STXBP5L: variants seen among roughly 807,000 people sequenced by gnomAD.
STXBP5L encodes the protein syntaxin binding protein 5L.
Under a neutral mutation model 144.5 loss-of-function variants are expected in STXBP5L, and 65 were observed. That is an observed-to-expected ratio of 0.45 (90% CI 0.37 to 0.55). STXBP5L has a LOEUF of 0.55. STXBP5L is among the 20% of genes least tolerant of loss of function. The pLI, the probability that STXBP5L is intolerant of heterozygous loss-of-function variation, is 0.00. For missense variants in STXBP5L, 1,298 were observed against 1,405.5 expected (o/e 0.92, Z 1.22); for synonymous variants, 505 against 469.6 (o/e 1.08, Z -0.97).
At chr3:121,346,104 C>T (rs1368238256) in intron 20 of STXBP5L, among the ~76,000 whole-genome samples, 4 of 143,152 alleles carry the variant, frequency 2.8e-5, no homozygotes, top group East Asian at 4.4e-4. Flanking sequence ...TCCCTCTCCC[C>T]TCCCCCGACC....
chr3:121,280,028 TTTC>T, intron 19 of STXBP5L, 72 bp downstream of exon 19: 1 of 1,524,816 alleles, frequency 6.6e-7, no homozygotes. Flanking sequence ...ATTTCTTGTC[TTTC>T]TTCTCTGATA....
chr3:121,415,717 C>T, intron 24 of STXBP5L, 140 bp from the exon 25 acceptor site: 1 of 495,278 alleles, frequency 2.0e-6, no homozygotes, highest in Non-Finnish European at 3.6e-6. Flanking sequence ...GAACTGTGAG[C>T]ACAGCAAAAA....
At chr3:121,355,509 T>A (rs1320653360) in intron 20 of STXBP5L, among the ~76,000 whole-genome samples, 2 of 152,212 alleles carry the variant, frequency 1.3e-5, no homozygotes, top group Non-Finnish European at 2.9e-5. Flanking sequence ...CATCACGAAT[T>A]TCTCGTGCCA....
At chr3:121,257,737 C>A (rs999250706) in intron 17 of STXBP5L, among the ~76,000 whole-genome samples, 1 of 152,106 alleles carries the variant, frequency 6.6e-6, no homozygotes, top group African/African-American at 2.4e-5. Flanking sequence ...GCAGCCTGGG[C>A]AACATAGCAA....
At chr3:120,950,531 GT>G (rs1380135715) in intron 2 of STXBP5L, among the ~76,000 whole-genome samples, 1 of 149,980 alleles carries the variant, frequency 6.7e-6, no homozygotes, top group African/African-American at 2.4e-5. Flanking sequence ...TTTAGGATTA[GT>G]TTGTCAATTT....
At chr3:121,041,252 C>T (rs1947132184) in intron 3 of STXBP5L, among the ~76,000 whole-genome samples, 1 of 151,812 alleles carries the variant, frequency 6.6e-6, no homozygotes, top group African/African-American at 2.4e-5. Context: ...TCTTTATGAT[C>T]TCTGAGTTTT....
intron 20 of STXBP5L, among the ~76,000 whole-genome samples, chr3:121,344,720 G>A (rs981688950): frequency 2.0e-5 from 3 of 151,936 alleles, no homozygotes; most frequent in African/African-American, 7.2e-5. Flanking sequence ...ACTATATTTG[G>A]TGGTTAATTG....
chr3:121,372,113 C>G (rs2046048891), intron 20 of STXBP5L, among the ~76,000 whole-genome samples: 2 of 152,124 alleles, frequency 1.3e-5, no homozygotes, highest in South Asian at 4.1e-4. Context: ...CAGGGGCACT[C>G]TGCTGGAGCA....
chr3:121,249,667 A>T (rs1159577532), intron 14 of STXBP5L, among the ~76,000 whole-genome samples: 1 of 152,094 alleles, frequency 6.6e-6, no homozygotes, highest in South Asian at 2.1e-4. Context: ...TTTAGTCTGT[A>T]TGCCTTTTAT....
At position 121,381,322 on chromosome 3, in the gene STXBP5L, A is replaced by G. The variant is rs773567828; in HGVS notation, c.2377A>G (p.Arg793Gly). 3 of 1,586,620 alleles carry G rather than the reference A, an allele frequency of 1.9e-6. No individual in the cohort carries two copies. The highest frequency in any genetic ancestry group is 2.6e-6 in the Non-Finnish European group (3 of 1,172,868). Residue 793 changes from arginine (R) to glycine (G), a missense_variant, in exon 22 of 27, where the codon AGA (arginine) becomes GGA (glycine). Arg to Gly is a moderately radical substitution (Grantham distance 125, BLOSUM62 -2). Coordinates refer to ENST00000471454, the MANE Select transcript of STXBP5L (RefSeq NM_001308330.2). ...ENRENSYNRSRSSSISSIDKD... is the reference protein window; with the variant it reads ...ENRENSYNRSGSSSISSIDKD... ...CCGAGAAAATTCCTATAATCGTTCT[A>G]GAAGCTCTAGTATCTCCAGTATTGA...
chr3:121,089,727 G>A (rs1414377724), intron 5 of STXBP5L, among the ~76,000 whole-genome samples: 1 of 151,238 alleles, frequency 6.6e-6, no homozygotes, highest in Non-Finnish European at 1.5e-5. Flanking sequence ...TAGATCTATT[G>A]GTTTTGTCCC....
intron 23 of STXBP5L, 175 bp downstream of exon 23, chr3:121,407,778 G>A: frequency 1.1e-6 from 1 of 937,496 alleles, no homozygotes; most frequent in Non-Finnish European, 1.5e-6. Flanking sequence ...GGGGTTTTGT[G>A]TTTTGTTTTG....
chr3:121,011,663 T>TA (rs761316065), intron 3 of STXBP5L, among the ~76,000 whole-genome samples: 20 of 147,898 alleles, frequency 1.4e-4, no homozygotes, highest in East Asian at 7.9e-4. Flanking sequence ...TATTCACTTT[T>TA]AAAAAAAAAA....
At chr3:121,315,988 G>T (rs2043773018) in intron 19 of STXBP5L, among the ~76,000 whole-genome samples, 1 of 110,840 alleles carries the variant, frequency 9.0e-6, no homozygotes, top group African/African-American at 3.1e-5. Context: ...GGGCGATAGT[G>T]AGACTCTGTC....
chr3:120,985,350 T>G (rs757257771), intron 3 of STXBP5L, among the ~76,000 whole-genome samples: 2 of 152,106 alleles, frequency 1.3e-5, no homozygotes, highest in Non-Finnish European at 2.9e-5. Context: ...TATTTTGATG[T>G]ATGTATACAT....
intron 5 of STXBP5L, among the ~76,000 whole-genome samples, chr3:121,076,761 T>A (rs1469885492): frequency 6.6e-6 from 1 of 152,294 alleles, no homozygotes; most frequent in African/African-American, 2.4e-5. Flanking sequence ...AAACCTTTTT[T>A]AAAGTTTTTC....
intron 9 of STXBP5L, among the ~76,000 whole-genome samples, chr3:121,195,060 C>A (rs1447850872): frequency 6.6e-6 from 1 of 151,608 alleles, no homozygotes; most frequent in African/African-American, 2.4e-5. Flanking sequence ...AGACTACAGG[C>A]ACACGCCACC....
rs535005451 is a variant in STXBP5L at position 120,962,469 on chromosome 3, A to G, written c.287+7432A>G. 2.2e-3 allele frequency among the ~76,000 whole-genome samples: 337 copies of G among 152,246 alleles called. 2 individuals carry two copies. The highest frequency in any genetic ancestry group is 6.9e-3 in the African/African-American group (285 of 41,550). On this transcript the variant is annotated intron_variant, in intron 3 of 26. Coordinates refer to ENST00000471454, the MANE Select transcript of STXBP5L (RefSeq NM_001308330.2). ...AATTTTTGTGTAAGGTGTAAGGAAG[A>G]GATCCAGTTTCAGCTTTCTACATAT...
intron 19 of STXBP5L, among the ~76,000 whole-genome samples, chr3:121,300,841 A>C (rs1185041598): frequency 3.9e-5 from 6 of 152,210 alleles, no homozygotes; most frequent in African/African-American, 1.2e-4. Context: ...AAAAAGAAAA[A>C]GAGCTTCTGA....
Sources: gnomAD v4.1 joint callset for allele counts (sites outside exome capture counted in the v4.1 genomes callset) on GRCh38, gnomAD v4.1.1 for gene constraint, MANE v1.5 for transcripts, NCBI Gene and HGNC (gene_info 2026-07-23, HGNC 2026-07-21) for gene names.